STPG2: variants seen among roughly 807,000 people sequenced by gnomAD.
STPG2 encodes sperm-tail PG-rich repeat-containing protein 2.
In STPG2, 56 loss-of-function variants were observed where a neutral mutation model predicts 54.2. That is an observed-to-expected ratio of 1.03 (90% CI 0.83 to 1.29). STPG2 has a LOEUF of 1.29. STPG2 is among the 50% of genes most tolerant of loss of function. The pLI is 0.00. For synonymous variants in STPG2, 200 were observed against 181.8 expected, an observed-to-expected ratio of 1.10 and a Z score of -0.81; for missense variants, 596 against 544.9, an observed-to-expected ratio of 1.09 and a Z score of -0.93.
chr4:97,900,361 G>A lies in STPG2; in HGVS notation c.1044+43536C>T, dbSNP rs370616935. Among the ~76,000 whole-genome samples, 8 of 152,080 alleles carry A rather than the reference G, an allele frequency of 5.3e-5. No homozygotes were observed. In the East Asian group the frequency reaches 9.6e-4, roughly 18 times the overall value. ...GTTCAACCATTGTGGAAAGCAGTAT[G>A]GCAATTCCTCAAAGAGCTAAAAGCA... On this transcript the variant is annotated intron_variant, in intron 8 of 10. Coordinates refer to ENST00000295268, the MANE Select transcript of STPG2 (RefSeq NM_174952.3).
chr4:97,930,626 T>C (rs1732507227), intron 8 of STPG2, among the ~76,000 whole-genome samples: 1 of 152,190 alleles, frequency 6.6e-6, no homozygotes, highest in African/African-American at 2.4e-5. Context: ...CCTCCACCTT[T>C]GTTCTTTTTG....
At position 97,559,128 on chromosome 4, in the gene STPG2, A is replaced by G; in HGVS notation, c.1321-11T>C. ...TTTCTCCTGGGATATCTGTTTAATA[A>G]GAATGAGAAAAAAAGGAGGAAAACA... On this transcript the variant is annotated splice_polypyrimidine_tract_variant and intron_variant, in intron 10 of 10. Coordinates refer to ENST00000295268, the MANE Select transcript of STPG2 (RefSeq NM_174952.3). 1 of 1,570,116 alleles carries G rather than the reference A, an allele frequency of 6.4e-7. No individual in the cohort carries two copies. Among genetic ancestry groups the G allele is most frequent in the African/African-American group, 1.4e-5 (1 of 73,064 alleles).
intron 8 of STPG2, among the ~76,000 whole-genome samples, chr4:97,845,724 G>C (rs1238004664): frequency 1.3e-5 from 2 of 152,102 alleles, no homozygotes; most frequent in Admixed American, 6.6e-5. Context: ...TTAAATTTCA[G>C]AAATAGTAAA....
At chr4:97,599,083 C>T (rs928548226) in intron 10 of STPG2, among the ~76,000 whole-genome samples, 2 of 151,960 alleles carry the variant, frequency 1.3e-5, no homozygotes, top group Non-Finnish European at 2.9e-5. Flanking sequence ...ACCAAGTAAC[C>T]CCATTGAAAG....
chr4:97,665,719 G>T (rs549512582), intron 10 of STPG2, among the ~76,000 whole-genome samples: 1 of 152,218 alleles, frequency 6.6e-6, no homozygotes, highest in East Asian at 1.9e-4. Flanking sequence ...TGCCCAGGCT[G>T]TTCATGCGGA....
chr4:97,630,938 T>A (rs1721255474), intron 10 of STPG2, among the ~76,000 whole-genome samples: 1 of 151,974 alleles, frequency 6.6e-6, no homozygotes, highest in East Asian at 1.9e-4. Context: ...TATAAAGCAA[T>A]GAATGCAGAA....
intron 5 of STPG2, among the ~76,000 whole-genome samples, chr4:98,060,135 T>A (rs1737598057): frequency 1.3e-5 from 2 of 152,228 alleles, no homozygotes; most frequent in Admixed American, 1.3e-4. Context: ...AAACTATCTT[T>A]GTTTGCAGAT....
At chr4:97,686,941 A>T (rs3974917) in intron 10 of STPG2, among the ~76,000 whole-genome samples, 17,075 of 57,394 alleles carry the variant, frequency 0.3, 1,460 homozygotes, top group African/African-American at 0.37. Context: ...TATTATTATT[A>T]TTTTTTTTTT....
rs557254234 is a variant in STPG2, at chr4:97,771,779, G to A, written c.1205-58965C>T. 2.0e-5 allele frequency among the ~76,000 whole-genome samples: 3 copies of A among 152,320 alleles called. No homozygotes were observed. The East Asian group carries it at 5.8e-4, about 29-fold the overall frequency. On this transcript the variant is annotated intron_variant, in intron 9 of 10. Transcript: ENST00000295268. ...AAGCCATGGCATGGCAGAAGGCCCT[G>A]GAGCACAAAGTGCCTATGTCAGGAG... is the stretch of plus-strand genomic sequence containing the variant.
chr4:97,576,690 A>G (rs1732732215), intron 10 of STPG2, among the ~76,000 whole-genome samples: 1 of 152,162 alleles, frequency 6.6e-6, no homozygotes, highest in African/African-American at 2.4e-5. Flanking sequence ...GGCTTTGACA[A>G]AGAATTTATC....
intron 8 of STPG2, among the ~76,000 whole-genome samples, chr4:97,930,002 C>T (rs150797528): frequency 0.017 from 2,559 of 152,170 alleles, 74 homozygotes; most frequent in African/African-American, 0.059. Context: ...CAGGTTCAAG[C>T]GATTCTCCCA....
intron 10 of STPG2, among the ~76,000 whole-genome samples, chr4:97,645,333 C>T (rs73834108): frequency 0.018 from 2,697 of 150,364 alleles, 75 homozygotes; most frequent in African/African-American, 0.062. Flanking sequence ...TTCAGCAGTA[C>T]AGCAATGTGA....
intron 7 of STPG2, among the ~76,000 whole-genome samples, chr4:97,960,030 G>T (rs1733828947): frequency 6.6e-6 from 1 of 152,080 alleles, no homozygotes; most frequent in Non-Finnish European, 1.5e-5. Context: ...CAGGGATGCA[G>T]GGAAGGTTTA....
At chr4:97,471,942 A>T (rs982961987) in intron 4 of STPG2, among the ~76,000 whole-genome samples, 1 of 152,156 alleles carries the variant, frequency 6.6e-6, no homozygotes, top group African/African-American at 2.4e-5. Flanking sequence ...CTTTCTTTCA[A>T]ATTCACAAAT....
chr4:97,990,031 G>T lies in STPG2; in HGVS notation c.613-8713C>A, dbSNP rs140935365. On this transcript the variant is annotated intron_variant, in intron 5 of 10. Coordinates refer to ENST00000295268, the MANE Select transcript of STPG2 (RefSeq NM_174952.3). ...AAAACAATCACCTACTAACAAACCAGAATTACTTTTCTACTATTTTCAACA... is the reference window on the plus strand; with the variant it reads ...AAAACAATCACCTACTAACAAACCATAATTACTTTTCTACTATTTTCAACA... Among the ~76,000 whole-genome samples, 428 of 152,280 alleles carry T rather than the reference G, an allele frequency of 2.8e-3. 2 individuals carry two copies. Among genetic ancestry groups the T allele is most frequent in the African/African-American group, 9.7e-3 (404 of 41,552 alleles).
At chr4:98,088,379 ATG>A (rs1483628714) in intron 5 of STPG2, among the ~76,000 whole-genome samples, 6 of 152,146 alleles carry the variant, frequency 3.9e-5, no homozygotes, top group African/African-American at 1.2e-4. Flanking sequence ...AGGAGACACT[ATG>A]TATTTTTTCT....
intron 5 of STPG2, among the ~76,000 whole-genome samples, chr4:98,021,846 C>CT (rs1376223351): frequency 2.0e-5 from 3 of 151,696 alleles, no homozygotes; most frequent in Admixed American, 6.6e-5. Flanking sequence ...CAACCCCTGC[C>CT]TTTTTTTGTT....
chr4:97,496,209 A>C (rs569794712), intron 4 of STPG2, among the ~76,000 whole-genome samples: 1 of 151,882 alleles, frequency 6.6e-6, no homozygotes, highest in East Asian at 1.9e-4. Flanking sequence ...ATTTTCAATA[A>C]GAATATACCG....
chr4:97,635,042 A>T (rs1211861859), intron 10 of STPG2, among the ~76,000 whole-genome samples: 3 of 152,116 alleles, frequency 2.0e-5, no homozygotes, highest in African/African-American at 4.8e-5. Context: ...TAATTGTCAG[A>T]TTCACCAAAG....
Sources: gnomAD v4.1 joint callset for allele counts (sites outside exome capture counted in the v4.1 genomes callset) on GRCh38, gnomAD v4.1.1 for gene constraint, MANE v1.5 for transcripts, NCBI Gene and HGNC (gene_info 2026-07-23, HGNC 2026-07-21) for gene names.